Variants in CSMD2 observed in about 807,000 individuals in gnomAD.
The protein encoded by CSMD2 is CUB and sushi domain-containing protein 2.
In CSMD2, 130 loss-of-function variants were observed where a neutral mutation model predicts 398.5. That is an observed-to-expected ratio of 0.33 (90% CI 0.28 to 0.38). The LOEUF (loss-of-function observed/expected upper bound fraction) is 0.38, where lower values mean the gene tolerates loss of function less well. CSMD2 is among the 10% of genes least tolerant of loss of function. CSMD2 has a pLI of 1.00. For synonymous variants in CSMD2, 1,828 were observed against 1,908.5 expected (o/e 0.96, Z 1.10); for missense variants, 3,829 against 4,764.9 (o/e 0.80, Z 5.78).
chr1:34,057,308 A>C (rs1653940458), intron 2 of CSMD2, among the ~76,000 whole-genome samples: 1 of 152,334 alleles, frequency 6.6e-6, no homozygotes, highest in South Asian at 2.1e-4. Context: ...GTGCCCACCC[A>C]GGATGCCACG....
At chr1:33,861,100 C>G (rs573924084) in intron 5 of CSMD2, 45 of 152,220 alleles carry the variant, frequency 3.0e-4, no homozygotes, top group African/African-American at 1.0e-3. Flanking sequence ...GAATGAGGTA[C>G]ATAAAGTGCT....
At chr1:33,969,770 C>A (rs1645689342) in intron 3 of CSMD2, among the ~76,000 whole-genome samples, 1 of 151,702 alleles carries the variant, frequency 6.6e-6, no homozygotes, top group African/African-American at 2.4e-5. Flanking sequence ...AGTGTGTATG[C>A]TTCAGATTGT....
chr1:33,597,144 G>A (rs1349544865), intron 44 of CSMD2, among the ~76,000 whole-genome samples: 1 of 151,598 alleles, frequency 6.6e-6, no homozygotes, highest in African/African-American at 2.4e-5. Flanking sequence ...TCTCCTTAAG[G>A]TATTTTTCCT....
chr1:33,978,174 G>A (rs1274400371), intron 3 of CSMD2, among the ~76,000 whole-genome samples: 1 of 152,224 alleles, frequency 6.6e-6, no homozygotes, highest in Non-Finnish European at 1.5e-5. Flanking sequence ...ACTGGGGAAG[G>A]AGATGAGATT....
intron 32 of CSMD2, among the ~76,000 whole-genome samples, chr1:33,626,782 GTC>G (rs1642156397): frequency 6.6e-6 from 1 of 152,164 alleles, no homozygotes; most frequent in South Asian, 2.1e-4. Flanking sequence ...TTCATTCACG[GTC>G]TTAACTTGAC....
chr1:33,535,246 T>C (rs148221275), intron 62 of CSMD2, among the ~76,000 whole-genome samples: 3 of 152,268 alleles, frequency 2.0e-5, no homozygotes, highest in Non-Finnish European at 2.9e-5. Flanking sequence ...ATGGACATGG[T>C]TGTAATGTTC....
intron 5 of CSMD2, among the ~76,000 whole-genome samples, chr1:33,909,227 G>A (rs966280613): frequency 3.3e-5 from 5 of 152,238 alleles, no homozygotes; most frequent in East Asian, 3.9e-4. Context: ...CTCCATGTAC[G>A]AAGTTCAGGA....
chr1:33,764,893 T>A (rs912436457), intron 13 of CSMD2, among the ~76,000 whole-genome samples: 1 of 152,132 alleles, frequency 6.6e-6, no homozygotes, highest in African/African-American at 2.4e-5. Flanking sequence ...GTTTCAGCCA[T>A]AGAGGGGAGG....
intron 38 of CSMD2, 81 bp from the exon 39 acceptor site, chr1:33,617,056 T>C: frequency 9.4e-7 from 1 of 1,064,016 alleles, no homozygotes; most frequent in East Asian, 2.4e-5. Flanking sequence ...TACAGGGGTC[T>C]GGTTCAGGGG....
At chr1:33,694,191 A>G (rs1391373765) in intron 24 of CSMD2, among the ~76,000 whole-genome samples, 1 of 152,218 alleles carries the variant, frequency 6.6e-6, no homozygotes, top group East Asian at 1.9e-4. Flanking sequence ...TATGTGAAAT[A>G]CCTAGAATAG....
At chr1:34,092,548 C>A (rs1032150349) in intron 1 of CSMD2, among the ~76,000 whole-genome samples, 1 of 152,206 alleles carries the variant, frequency 6.6e-6, no homozygotes, top group South Asian at 2.1e-4. Flanking sequence ...TCAGTGGGTG[C>A]GCGCACCGTG....
At chr1:33,951,494 G>A (rs529933289) in intron 3 of CSMD2, among the ~76,000 whole-genome samples, 3 of 152,304 alleles carry the variant, frequency 2.0e-5, no homozygotes, top group East Asian at 1.9e-4. Flanking sequence ...GATAGGCTCT[G>A]TGTCAAGCAA....
chr1:33,675,992 A>AGCCAAT (rs1330029755), intron 25 of CSMD2, among the ~76,000 whole-genome samples: 1 of 152,214 alleles, frequency 6.6e-6, no homozygotes, highest in Admixed American at 6.5e-5. Flanking sequence ...ACAAACCCAA[A>AGCCAAT]GCCAATGTCA....
At position 33,817,675 on chromosome 1, in the gene CSMD2, G is replaced by A. The variant is rs369213203; in HGVS notation, c.1324+2038C>T. ...ATGTGTGCACGTAAGTCTCACAGACGTACTGGCATCACTTCTAAACAAGGA... is the reference window on the plus strand; with the variant it reads ...ATGTGTGCACGTAAGTCTCACAGACATACTGGCATCACTTCTAAACAAGGA... On this transcript the variant is annotated intron_variant, in intron 9 of 70. Coordinates refer to ENST00000373381, the MANE Select transcript of CSMD2 (RefSeq NM_001281956.2). Among the ~76,000 whole-genome samples the A allele has an allele frequency of 2.4e-4, 37 of 152,332 alleles. No individual in the cohort carries two copies. The East Asian group carries it at 3.5e-3, about 14-fold the overall frequency.
intron 4 of CSMD2, among the ~76,000 whole-genome samples, chr1:33,931,373 C>A (rs897376560): frequency 6.6e-6 from 1 of 152,058 alleles, no homozygotes; most frequent in African/African-American, 2.4e-5. Context: ...TAAGGAAGAA[C>A]AGTTTGGGAA....
intron 28 of CSMD2, among the ~76,000 whole-genome samples, chr1:33,648,808 T>C (rs1039043274): frequency 6.6e-6 from 1 of 152,180 alleles, no homozygotes; most frequent in African/African-American, 2.4e-5. Flanking sequence ...GGCATCCACT[T>C]TACAGTCCTG....
intron 10 of CSMD2, among the ~76,000 whole-genome samples, chr1:33,808,225 C>A (rs185669568): frequency 1.8e-3 from 273 of 151,996 alleles, no homozygotes; most frequent in African/African-American, 6.2e-3. Flanking sequence ...ATGAAGAAGA[C>A]AAGAAAAATC....
chr1:33,623,283 T>C, intron 36 of CSMD2, 87 bp downstream of exon 36: 1 of 910,016 alleles, frequency 1.1e-6, no homozygotes, highest in Non-Finnish European at 1.8e-6. Context: ...AAGTGATATC[T>C]CAATAATAAT....
In CSMD2 at chr1:33,724,508, T is replaced by A. The variant is rs1447887455; in HGVS notation, c.2884+8A>T. 3.1e-6 allele frequency: 5 copies of A among 1,612,424 alleles called. No individual in the cohort carries two copies. The highest frequency in any genetic ancestry group is 1.3e-5 in the African/African-American group (1 of 75,004). Reference sequence around the variant, plus strand: ...GCTACTTTAGCGCCCCCTCATGGTGTCCCTCACCTTCACAACTGGGCAGGG... The same window carrying A: ...GCTACTTTAGCGCCCCCTCATGGTGACCCTCACCTTCACAACTGGGCAGGG... On this transcript the variant is annotated splice_region_variant and intron_variant, in intron 18 of 70. Coordinates refer to ENST00000373381, the MANE Select transcript of CSMD2 (RefSeq NM_001281956.2).
Sources: gnomAD v4.1 joint callset for allele counts (sites outside exome capture counted in the v4.1 genomes callset) on GRCh38, gnomAD v4.1.1 for gene constraint, MANE v1.5 for transcripts, NCBI Gene and HGNC (gene_info 2026-07-23, HGNC 2026-07-21) for gene names.